GLIPR1L1: variants seen among roughly 807,000 people sequenced by gnomAD.
The protein encoded by GLIPR1L1 is GLIPR1-like protein 1.
In GLIPR1L1, 26 loss-of-function variants were observed where a neutral mutation model predicts 29.9. That is an observed-to-expected ratio of 0.87 (90% CI 0.64 to 1.21). The LOEUF is 1.21. Among genes scored for constraint, GLIPR1L1 ranks in the 50% most tolerant of loss-of-function variants. The pLI is 0.00. For synonymous variants in GLIPR1L1, 77 were observed against 97.5 expected (o/e 0.79, Z 1.24); for missense variants, 305 against 290.3 (o/e 1.05, Z -0.37).
chr12:75,340,272 T>C (rs139965164), intron 1 of GLIPR1L1, among the ~76,000 whole-genome samples: 9 of 152,002 alleles, frequency 5.9e-5, no homozygotes, highest in Admixed American at 5.9e-4. Flanking sequence ...ATGTGTGTGC[T>C]AGTGTCTTTT....
intron 4 of GLIPR1L1, 109 bp downstream of exon 4, chr12:75,363,299 A>T (rs1023948805): frequency 2.9e-5 from 13 of 448,000 alleles, no homozygotes; most frequent in Middle Eastern, 6.0e-4. Context: ...ACAAGATTTG[A>T]CTGTTGTTAT....
chr12:75,369,477 AT>A, intron 4 of GLIPR1L1: 2 of 959,956 alleles, frequency 2.1e-6, no homozygotes, highest in Non-Finnish European at 2.5e-6. Context: ...TTTTAAGTAG[AT>A]TATTTCCTAA....
intron 1 of GLIPR1L1, among the ~76,000 whole-genome samples, 168 bp downstream of exon 1, chr12:75,335,070 G>A (rs2041630519): frequency 6.6e-6 from 1 of 152,174 alleles, no homozygotes; most frequent in South Asian, 2.1e-4. Flanking sequence ...CAGAGTCATA[G>A]GAGTGAACAA....
chr12:75,336,937 T>A (rs4882616), intron 1 of GLIPR1L1, among the ~76,000 whole-genome samples: 55,989 of 151,378 alleles, frequency 0.37, 10,762 homozygotes, highest in East Asian at 0.51. Flanking sequence ...GAAAAAAAAG[T>A]CTTAAACCAG....
rs142633493 is a variant in GLIPR1L1, at chr12:75,347,681, G to A, written c.480G>A (p.Gly160=). ...CAGTTGCAATGTGTCCTAACCTTGG[G>A]GGAGCTTCAACTGCAATATTTGTAT... The part of the protein sequence containing the change: ...GCAVAMCPNL[G]GASTAIFVCN... Residue 160 remains glycine, a synonymous_variant, in exon 3 of 6, where the codon GGG becomes GGA. Coordinates refer to ENST00000378695, the MANE Select transcript of GLIPR1L1 (RefSeq NM_001304964.2). The A allele has an allele frequency of 6.9e-4, 1,104 of 1,606,498 alleles. 1 individual carries two copies. Among genetic ancestry groups the A allele is most frequent in the Non-Finnish European group, 8.9e-4 (1,049 of 1,175,348 alleles).
intron 3 of GLIPR1L1, among the ~76,000 whole-genome samples, chr12:75,358,767 G>A (rs891852676): frequency 3.6e-5 from 5 of 140,032 alleles, no homozygotes; most frequent in Admixed American, 1.5e-4. Flanking sequence ...TATTATATAT[G>A]TTTAAATATA....
At chr12:75,347,550 C>A in intron 2 of GLIPR1L1, 72 bp from the exon 3 acceptor site, 1 of 901,994 alleles carries the variant, frequency 1.1e-6, no homozygotes. Context: ...AAAGATTATA[C>A]CAATTCTCTA....
At chr12:75,362,668 A>G (rs11180475) in intron 3 of GLIPR1L1, among the ~76,000 whole-genome samples, 45,698 of 152,130 alleles carry the variant, frequency 0.3, 7,949 homozygotes, top group East Asian at 0.45. Flanking sequence ...AAAATCAGGC[A>G]TAATAGCTGT....
At chr12:75,349,515 A>C (rs183740470) in intron 3 of GLIPR1L1, among the ~76,000 whole-genome samples, 38 of 152,360 alleles carry the variant, frequency 2.5e-4, no homozygotes, top group Admixed American at 2.4e-3. Context: ...TGAATCAATA[A>C]GTTGAAATGA....
At position 75,347,619 on chromosome 12, in the gene GLIPR1L1, T is replaced by C. The variant is rs779601919; in HGVS notation, c.421-3T>C. ...TTTATCTTGACATTCCTTTTCTTTA[T>C]AGTTAGTTTGGGCCAATTCATTTTA... On this transcript the variant is annotated splice_region_variant and splice_polypyrimidine_tract_variant and intron_variant, in intron 2 of 5. Transcript: ENST00000378695. 4 of 1,595,816 alleles carry C rather than the reference T, an allele frequency of 2.5e-6. No homozygotes were observed. Among genetic ancestry groups the C allele is most frequent in the Non-Finnish European group, 3.4e-6 (4 of 1,165,100 alleles).
Position 75,343,718 on chromosome 12 carries a change from T to G in GLIPR1L1, c.200T>G (p.Met67Arg). 1 of 1,611,268 alleles carries G rather than the reference T, an allele frequency of 6.2e-7. No individual in the cohort carries two copies. Among genetic ancestry groups the G allele is most frequent in the Non-Finnish European group, 8.5e-7 (1 of 1,178,190 alleles). Residue 67 changes from methionine to arginine, a missense_variant, in exon 2 of 6, where the codon ATG (methionine) becomes AGG (arginine). Coordinates refer to ENST00000378695, the MANE Select transcript of GLIPR1L1 (RefSeq NM_001304964.2). The part of the protein sequence containing the change: ...YMIWDKGLAK[M>R]AKAWANQCKF... The stretch of plus-strand genomic sequence containing the variant: ...ATTTGGGATAAAGGTTTAGCAAAGA[T>G]GGCTAAAGCATGGGCAAACCAGTGC...
chr12:75,362,009 T>C (rs770210912), intron 3 of GLIPR1L1, among the ~76,000 whole-genome samples: 26 of 152,134 alleles, frequency 1.7e-4, no homozygotes, highest in Non-Finnish European at 3.4e-4. Flanking sequence ...AAAACAATGA[T>C]ATATAAATTT....
At position 75,343,894 on chromosome 12, in the gene GLIPR1L1, T is replaced by C; in HGVS notation, c.376T>C (p.Phe126Leu). Residue 126 changes from phenylalanine (F) to leucine (L), a missense_variant, in exon 2 of 6, where the codon TTT becomes CTT. By Grantham distance (22) the Phe-to-Leu change is conservative (BLOSUM62 0). Transcript: ENST00000378695. ...GTATAATGAAACCCAATTTTATGAT[T>C]TTGATAGTCTATCATGCTCCAGAGT... ...AWYNETQFYD[F>L]DSLSCSRVCG... is the part of the protein sequence containing the mutation. 1 of 1,612,022 alleles carries C rather than the reference T, an allele frequency of 6.2e-7. No individual in the cohort carries two copies. Among genetic ancestry groups the C allele is most frequent in the Non-Finnish European group, 8.5e-7 (1 of 1,178,338 alleles).
chr12:75,353,551 A>T (rs1002714641), intron 3 of GLIPR1L1, among the ~76,000 whole-genome samples: 94 of 152,322 alleles, frequency 6.2e-4, no homozygotes, highest in African/African-American at 2.2e-3. Context: ...TTTACAGCTG[A>T]ATTCTACCAG....
In GLIPR1L1 at chr12:75,370,180, C is replaced by T. The variant is rs2044267713; in HGVS notation, c.*4C>T. ...TCTTCTTCTGAGAATCTTTTAATGTCATTTATATACAAAAGAAATTCTCAA... is the reference window on the plus strand; with the variant it reads ...TCTTCTTCTGAGAATCTTTTAATGTTATTTATATACAAAAGAAATTCTCAA... On this transcript the variant is annotated 3_prime_UTR_variant, in exon 6 of 6. Coordinates refer to ENST00000378695, the MANE Select transcript of GLIPR1L1 (RefSeq NM_001304964.2). 1 of 1,343,570 alleles carries T rather than the reference C, an allele frequency of 7.4e-7. No homozygotes were observed. The highest frequency in any genetic ancestry group is 1.1e-6 in the Non-Finnish European group (1 of 937,788). The allele number at this position is 1,343,570 out of a possible 1,614,324, so 83.2% of individuals were successfully genotyped here. A position where few individuals can be genotyped will look rare whatever the true frequency, so the allele number is the denominator to read the frequency against.
At chr12:75,336,406 G>T (rs1375613737) in intron 1 of GLIPR1L1, among the ~76,000 whole-genome samples, 1 of 151,708 alleles carries the variant, frequency 6.6e-6, no homozygotes, top group African/African-American at 2.4e-5. Flanking sequence ...AAGATTATCA[G>T]ATTGGATTAA....
At chr12:75,350,308 T>C (rs2042722086) in intron 3 of GLIPR1L1, among the ~76,000 whole-genome samples, 1 of 152,220 alleles carries the variant, frequency 6.6e-6, no homozygotes. Flanking sequence ...CCTTTTCTGA[T>C]GGCAAGCTCT....
Position 75,334,857 on chromosome 12 carries a change from A to T in GLIPR1L1, c.129A>T (p.Glu43Asp). The part of the protein sequence containing the change: ...FIDNCIEAHN[E>D]WRGKVNPPAA... The stretch of plus-strand genomic sequence containing the variant: ...ACAACTGCATAGAAGCCCACAACGA[A>T]TGGCGTGGCAAAGTCAACCCTCCCG... The change falls in exon 1 of 6, where the codon GAA becomes GAT. Residue 43 changes from glutamate (E) to aspartate (D), a missense_variant. Transcript: ENST00000378695. The T allele has an allele frequency of 6.2e-7, 1 of 1,614,158 alleles. No individual in the cohort carries two copies. Among genetic ancestry groups the T allele is most frequent in the Non-Finnish European group, 8.5e-7 (1 of 1,180,024 alleles).
intron 4 of GLIPR1L1, chr12:75,365,052 T>TC (rs1310099533): frequency 1.3e-5 from 2 of 152,142 alleles, no homozygotes; most frequent in African/African-American, 4.8e-5. Context: ...GGATCTGAAC[T>TC]AATTATATCC....
Sources: allele counts gnomAD v4.1 joint callset (sites outside exome capture counted in the v4.1 genomes callset), GRCh38; gene constraint gnomAD v4.1.1; transcripts MANE v1.5; gene names NCBI Gene and HGNC (gene_info 2026-07-23, HGNC 2026-07-21).